Variants in NIN observed in about 807,000 individuals in gnomAD.
The protein encoded by NIN is glycogen synthase kinase 3 beta-interacting protein.
A neutral mutation model predicts 257.6 loss-of-function variants in NIN; 137 were observed. The observed-to-expected ratio is 0.53, with a 90% confidence interval of 0.46 to 0.61. The LOEUF is 0.61. NIN is among the 20% of genes least tolerant of loss of function. The pLI, the probability that NIN is intolerant of heterozygous loss-of-function variation, is 0.00. For synonymous variants in NIN, 918 were observed against 919.8 expected (o/e 1.00, Z 0.04); for missense variants, 2,439 against 2,501.2 (o/e 0.98, Z 0.53).
At position 50,735,495 on chromosome 14, in the gene NIN, GC is replaced by G; in HGVS notation, c.5877+20del. The G allele has an allele frequency of 6.2e-7, 1 of 1,610,986 alleles. No homozygotes were observed. Among genetic ancestry groups the G allele is most frequent in the Non-Finnish European group, 8.5e-7 (1 of 1,179,434 alleles). ...GATTAACATATTCTTCATAGCTAAG[GC>G]CATCTGCTGAGAAACTTACCTCCAT... is the stretch of plus-strand genomic sequence containing the variant. On this transcript the variant is annotated intron_variant, in intron 28 of 30. Coordinates refer to ENST00000530997, the MANE Select transcript of NIN (RefSeq NM_020921.4).
chr14:50,779,420 G>A (rs554744389), intron 5 of NIN, among the ~76,000 whole-genome samples: 2 of 152,232 alleles, frequency 1.3e-5, no homozygotes, highest in Non-Finnish European at 2.9e-5. Flanking sequence ...AAGAAGCAAT[G>A]TCTAAACTGA....
chr14:50,807,786 T>C (rs1486322424), intron 3 of NIN, among the ~76,000 whole-genome samples: 9 of 152,224 alleles, frequency 5.9e-5, no homozygotes, highest in Non-Finnish European at 8.8e-5. Context: ...CAAAAAATCA[T>C]ATCATGTCTT....
intron 12 of NIN, among the ~76,000 whole-genome samples, chr14:50,767,854 T>A (rs951402612): frequency 6.6e-6 from 1 of 151,584 alleles, no homozygotes; most frequent in Non-Finnish European, 1.5e-5. Context: ...CTAAAATCAA[T>A]TTATTGATAT....
At chr14:50,736,195 C>G (rs762287591) in intron 27 of NIN, among the ~76,000 whole-genome samples, 1 of 108,266 alleles carries the variant, frequency 9.2e-6, no homozygotes, top group Non-Finnish European at 2.1e-5. Context: ...TGCAGTGGCA[C>G]AGTCTCAGCT....
Position 50,754,842 on chromosome 14 carries a change from C to G in NIN, c.4564G>C (p.Glu1522Gln), listed in dbSNP as rs150545544. 58 of 1,575,354 alleles carry G rather than the reference C, an allele frequency of 3.7e-5. 1 individual carries two copies. In the African/African-American group the frequency reaches 7.4e-4, roughly 20 times the overall value. Residue 1522 changes from glutamate (E) to glutamine (Q), a missense_variant, in exon 19 of 31, where the codon GAA becomes CAA. Glu to Gln is a conservative substitution (Grantham distance 29). Coordinates refer to ENST00000530997, the MANE Select transcript of NIN (RefSeq NM_020921.4). ...LRYESEKLQQ[E>Q]NSILRNEITT... ...ATTTCATTTCTCAAAATAGAATTTT[C>G]CTGTTGAAGCTTTTCAGATTCATAT...
Position 50,760,232 on chromosome 14 carries a change from T to G in NIN, c.2024A>C (p.Glu675Ala). 1 of 1,613,456 alleles carries G rather than the reference T, an allele frequency of 6.2e-7. No individual in the cohort carries two copies. The highest frequency in any genetic ancestry group is 8.5e-7 in the Non-Finnish European group (1 of 1,180,042). The stretch of plus-strand genomic sequence containing the variant: ...TGCTTGCCCCTGAAGTTCAGCAATT[T>G]CATTTTTAAGGTCACTTATTTGTTT... The part of the protein sequence containing the change: ...LEKQISDLKN[E>A]IAELQGQAAV... The change falls in exon 17 of 31, where the codon GAA becomes GCA. Residue 675 changes from glutamate to alanine, a missense_variant. Physicochemically the swap from Glu to Ala is moderately radical, Grantham distance 107 (BLOSUM62 -1). This residue lies in a region of NIN where 2,043 missense variants were observed against 2,050.2 expected (regional missense o/e 1.00). Coordinates refer to ENST00000530997, the MANE Select transcript of NIN (RefSeq NM_020921.4).
At chr14:50,786,907 A>AT (rs1451881848) in intron 5 of NIN, among the ~76,000 whole-genome samples, 16 of 152,268 alleles carry the variant, frequency 1.1e-4, no homozygotes, top group Admixed American at 1.0e-3. Flanking sequence ...AAGGGAAAAG[A>AT]TAAGTCAGTT....
chr14:50,814,851 G>A (rs1030291270), intron 3 of NIN, among the ~76,000 whole-genome samples: 26 of 152,032 alleles, frequency 1.7e-4, no homozygotes, highest in Middle Eastern at 3.2e-3. Flanking sequence ...CAGAAAATTG[G>A]AACTGGACCC....
chr14:50,815,825 T>G (rs1014443690), intron 3 of NIN, among the ~76,000 whole-genome samples: 1 of 152,142 alleles, frequency 6.6e-6, no homozygotes, highest in African/African-American at 2.4e-5. Context: ...CTGGCCAACA[T>G]GGAGAAAGCC....
In NIN at chr14:50,760,245, C is replaced by A; in HGVS notation, c.2011G>T (p.Asp671Tyr). The change falls in exon 17 of 31, where the codon GAC (aspartate) becomes TAC (tyrosine). Residue 671 changes from aspartate (D) to tyrosine (Y), a missense_variant. By Grantham distance (160) the Asp-to-Tyr change is radical. Transcript: ENST00000530997. ...AGTTCAGCAATTTCATTTTTAAGGTCACTTATTTGTTTTTCTAAGGTGTGC... is the reference window on the plus strand; with the variant it reads ...AGTTCAGCAATTTCATTTTTAAGGTAACTTATTTGTTTTTCTAAGGTGTGC... Reference protein sequence around the residue: ...ETHTLEKQISDLKNEIAELQG... With the variant: ...ETHTLEKQISYLKNEIAELQG... 6.2e-7 allele frequency: 1 copy of A among 1,612,774 alleles called. No individual in the cohort carries two copies. Among genetic ancestry groups the A allele is most frequent in the South Asian group, 1.1e-5 (1 of 91,068 alleles).
intron 2 of NIN, among the ~76,000 whole-genome samples, chr14:50,826,629 G>A (rs1787376705): frequency 1.3e-5 from 2 of 152,142 alleles, no homozygotes; most frequent in Admixed American, 6.6e-5. Context: ...TTCAACCAAG[G>A]TACAGAAAGG....
chr14:50,800,240 G>T (rs371307505), intron 4 of NIN, among the ~76,000 whole-genome samples: 1 of 152,130 alleles, frequency 6.6e-6, no homozygotes, highest in Non-Finnish European at 1.5e-5. Flanking sequence ...GATAGAGCAC[G>T]ATTTGCCTAT....
Position 50,758,477 on chromosome 14 carries a change from C to T in NIN, c.2553G>A (p.Gln851=). 1 of 1,614,248 alleles carries T rather than the reference C, an allele frequency of 6.2e-7. No homozygotes were observed. The highest frequency in any genetic ancestry group is 8.5e-7 in the Non-Finnish European group (1 of 1,180,042). Reference sequence around the variant, plus strand: ...ATTCCCACTGGGATTTCTCCTCACGCTGCTGTTCCTGGAGGTCCTTCAGCT... The same window carrying T: ...ATTCCCACTGGGATTTCTCCTCACGTTGCTGTTCCTGGAGGTCCTTCAGCT... ...RQELKDLQEQ[Q]REEKSQWEFE... Residue 851 remains glutamine, a synonymous_variant, in exon 18 of 31, where the codon CAG becomes CAA. Transcript: ENST00000530997.
intron 9 of NIN, 148 bp downstream of exon 9, chr14:50,772,151 TAA>T (rs1034005429): frequency 2.9e-6 from 2 of 695,742 alleles, no homozygotes; most frequent in Non-Finnish European, 4.6e-6. Flanking sequence ...TTAAAAGGGC[TAA>T]AAAAAAAGTT....
chr14:50,802,419 G>T (rs2044140581), intron 4 of NIN, among the ~76,000 whole-genome samples: 1 of 152,128 alleles, frequency 6.6e-6, no homozygotes, highest in African/African-American at 2.4e-5. Context: ...TACCTCAGAG[G>T]AGTTATAAAT....
Position 50,812,423 on chromosome 14 carries a change from C to T in NIN, c.184-5605G>A, listed in dbSNP as rs116833478. On this transcript the variant is annotated intron_variant, in intron 3 of 30. Coordinates refer to ENST00000530997, the MANE Select transcript of NIN (RefSeq NM_020921.4). ...GGAAGTCAAATCCTCAACTTTCACACGAAGCCACCAGGTGTAAAGCACACA... is the reference window on the plus strand; with the variant it reads ...GGAAGTCAAATCCTCAACTTTCACATGAAGCCACCAGGTGTAAAGCACACA... 4.1e-3 allele frequency among the ~76,000 whole-genome samples: 621 copies of T among 152,258 alleles called. 7 individuals are homozygous for T. Among genetic ancestry groups the T allele is most frequent in the African/African-American group, 0.014 (594 of 41,548 alleles).
intron 22 of NIN, 148 bp from the exon 23 acceptor site, chr14:50,744,513 T>C (rs2041448804): frequency 3.7e-6 from 3 of 800,320 alleles, no homozygotes; most frequent in East Asian, 2.7e-5. Flanking sequence ...GAGACTATAA[T>C]AAACTTCAAG....
intron 28 of NIN, chr14:50,730,899 GTT>G: frequency 7.5e-7 from 1 of 1,336,468 alleles, no homozygotes; most frequent in Non-Finnish European, 9.9e-7. Context: ...TGCTATGAAA[GTT>G]CATTGAAAGA....
intron 12 of NIN, among the ~76,000 whole-genome samples, chr14:50,770,091 C>T (rs2042669816): frequency 2.0e-5 from 3 of 152,194 alleles, no homozygotes; most frequent in South Asian, 2.1e-4. Flanking sequence ...GGAGTAGCAG[C>T]GGGAGGAATC....
Sources: allele counts gnomAD v4.1 joint callset (sites outside exome capture counted in the v4.1 genomes callset), GRCh38; gene constraint gnomAD v4.1.1; regional missense constraint gnomAD v4.1.1; transcripts MANE v1.5; gene names NCBI Gene and HGNC (gene_info 2026-07-23, HGNC 2026-07-21).